RUNX1T1: variants seen among roughly 807,000 people sequenced by gnomAD.
The protein encoded by RUNX1T1 is RUNX1 partner transcriptional co-repressor 1.
A neutral mutation model predicts 62.8 loss-of-function variants in RUNX1T1; 4 were observed. The observed-to-expected ratio is 0.06, with a 90% CI of 0.03 to 0.15. The LOEUF is 0.15. RUNX1T1 is among the 10% of genes least tolerant of loss of function. The pLI is 1.00. For missense variants in RUNX1T1, 508 were observed against 754.3 expected, an observed-to-expected ratio of 0.67 and a Z score of 3.82; for synonymous variants, 291 against 286.0, an observed-to-expected ratio of 1.02 and a Z score of -0.18.
Position 92,031,287 on chromosome 8 carries a change from C to CG in RUNX1T1, c.8-13925dup, listed in dbSNP as rs546304699. ...AACCATCTAAAAAAGTTAACATAGT[C>CG]GGGTGTCCATTCAACCCCTATTGTG... On this transcript the variant is annotated intron_variant, in intron 1 of 10. Coordinates refer to ENST00000396218, the Ensembl canonical transcript of RUNX1T1. Among the ~76,000 whole-genome samples, 5 of 152,204 alleles carry CG rather than the reference C, an allele frequency of 3.3e-5. No homozygotes were observed. In the East Asian group the frequency reaches 9.7e-4, roughly 29 times the overall value.
exon 2 of RUNX1T1, chr8:92,017,328 G>T (rs377176223): frequency 6.2e-7 from 1 of 1,613,648 alleles, no homozygotes; most frequent in South Asian, 1.1e-5. Context: ...ACATCCACAG[G>T]TGAGTCTGGC....
At chr8:91,969,447 A>G (rs1202720223) in intron 10 of RUNX1T1, among the ~76,000 whole-genome samples, 3 of 152,168 alleles carry the variant, frequency 2.0e-5, no homozygotes, top group African/African-American at 7.2e-5. Context: ...TTGAACAGAG[A>G]AGGACAAATT....
intron 10 of RUNX1T1, among the ~76,000 whole-genome samples, chr8:91,962,779 A>G (rs1810780512): frequency 6.6e-6 from 1 of 152,244 alleles, no homozygotes; most frequent in Non-Finnish European, 1.5e-5. Flanking sequence ...TAGAGAACAG[A>G]GACTCACATC....
At chr8:92,022,138 TGAG>T (rs1283474529) in intron 1 of RUNX1T1, among the ~76,000 whole-genome samples, 2 of 146,022 alleles carry the variant, frequency 1.4e-5, no homozygotes, top group African/African-American at 5.1e-5. Flanking sequence ...AAATTCCTCC[TGAG>T]GAGGATTCTT....
intron 1 of RUNX1T1, among the ~76,000 whole-genome samples, chr8:92,080,865 T>C (rs996859042): frequency 5.9e-5 from 9 of 152,214 alleles, no homozygotes; most frequent in African/African-American, 2.2e-4. Flanking sequence ...TATTTTTAAG[T>C]AACAAATTAA....
At chr8:92,028,234 A>T (rs975503850) in intron 1 of RUNX1T1, among the ~76,000 whole-genome samples, 11 of 151,572 alleles carry the variant, frequency 7.3e-5, no homozygotes, top group African/African-American at 1.5e-4. Context: ...TATTTTAATC[A>T]AATAACTTAG....
chr8:92,091,308 G>T (rs570860503), intron 1 of RUNX1T1, among the ~76,000 whole-genome samples: 2 of 152,274 alleles, frequency 1.3e-5, no homozygotes, highest in South Asian at 4.1e-4. Context: ...ATCACAATTA[G>T]AACTATTAAA....
upstream of RUNX1T1, among the ~76,000 whole-genome samples, chr8:92,102,403 C>G (rs533087466): frequency 8.0e-4 from 120 of 149,548 alleles, 1 homozygote; most frequent in African/African-American, 2.8e-3. This position sits in a 1 kb window ranked among gnomAD's most constrained non-coding sequence, Gnocchi z 4.5. Context: ...TCTTTGCTTC[C>G]AGTTTACAGA....
chr8:92,057,750 A>G (rs1831270110), intron 1 of RUNX1T1, among the ~76,000 whole-genome samples: 1 of 152,218 alleles, frequency 6.6e-6, no homozygotes, highest in Non-Finnish European at 1.5e-5. Context: ...TTTCTTGGTC[A>G]GGTGTGAAAT....
intron 1 of RUNX1T1, among the ~76,000 whole-genome samples, chr8:92,084,912 G>A (rs973757409): frequency 6.6e-6 from 1 of 152,208 alleles, no homozygotes. Flanking sequence ...TTAAGCATTT[G>A]CTGAATGAAG....
At chr8:92,024,675 T>C (rs1186996783) in intron 1 of RUNX1T1, among the ~76,000 whole-genome samples, 1 of 152,112 alleles carries the variant, frequency 6.6e-6, no homozygotes, top group Non-Finnish European at 1.5e-5. Context: ...CTTGAACCAT[T>C]TGCATCCCCA....
chr8:92,084,805 TGAGA>T (rs543506340), intron 1 of RUNX1T1, among the ~76,000 whole-genome samples: 123 of 152,072 alleles, frequency 8.1e-4, no homozygotes, highest in African/African-American at 2.8e-3. Flanking sequence ...TAGAGAAGGC[TGAGA>T]GAGAGAGGTC....
intron 1 of RUNX1T1, among the ~76,000 whole-genome samples, chr8:92,024,520 A>AAAT (rs1399192023): frequency 3.3e-5 from 5 of 149,494 alleles, no homozygotes; most frequent in African/African-American, 1.2e-4. Context: ...AAAAAAAAAA[A>AAAT]AAAGCAACCC....
chr8:92,089,477 G>T (rs1310068603), intron 1 of RUNX1T1, among the ~76,000 whole-genome samples: 1 of 152,066 alleles, frequency 6.6e-6, no homozygotes, highest in East Asian at 1.9e-4. Context: ...GCTTAAAGAG[G>T]TCATTTTCTA....
At chr8:92,027,970 G>A (rs1013334722) in intron 1 of RUNX1T1, among the ~76,000 whole-genome samples, 19 of 150,820 alleles carry the variant, frequency 1.3e-4, no homozygotes, top group East Asian at 2.0e-4. Flanking sequence ...TGTCAGCTTC[G>A]TGAACAGAGA....
At chr8:91,995,912 C>T (rs776178664) in intron 5 of RUNX1T1, among the ~76,000 whole-genome samples, 2 of 152,208 alleles carry the variant, frequency 1.3e-5, no homozygotes, top group Non-Finnish European at 2.9e-5. Context: ...CTATTCAAAG[C>T]ATGTATGTTC....
intron 5 of RUNX1T1, among the ~76,000 whole-genome samples, chr8:91,998,517 C>G (rs149992806): frequency 6.6e-6 from 1 of 152,236 alleles, no homozygotes; most frequent in South Asian, 2.1e-4. Flanking sequence ...CAGATGGATA[C>G]GTGCCACTCC....
intron 9 of RUNX1T1, among the ~76,000 whole-genome samples, chr8:91,975,224 A>G (rs941424102): frequency 2.0e-5 from 3 of 152,228 alleles, no homozygotes; most frequent in Admixed American, 2.0e-4. Flanking sequence ...GGACTTCTTT[A>G]AGCCCAATAA....
intron 1 of RUNX1T1, among the ~76,000 whole-genome samples, chr8:92,099,027 G>C (rs550687988): frequency 3.3e-5 from 5 of 152,110 alleles, no homozygotes; most frequent in Admixed American, 6.5e-5. Flanking sequence ...ATAATAAATA[G>C]CTTATTCTGG....
Sources: allele counts gnomAD v4.1 joint callset (sites outside exome capture counted in the v4.1 genomes callset), GRCh38; gene constraint gnomAD v4.1.1; non-coding constraint Gnocchi (gnomAD v3.1); transcripts MANE v1.5; gene names NCBI Gene and HGNC (gene_info 2026-07-23, HGNC 2026-07-21).